The following CDS1 variants were observed in gnomAD, a reference collection of about 807,000 sequenced individuals.
CDS1 encodes the protein CDP-diacylglycerol synthase 1.
A neutral mutation model predicts 62.1 loss-of-function variants in CDS1; 41 were observed. That is an observed-to-expected ratio of 0.66 (90% CI 0.51 to 0.86). The LOEUF is 0.86. Ranked by LOEUF, CDS1 falls within the 40% of genes least tolerant of loss-of-function variation. CDS1 has a pLI of 0.00. For synonymous variants in CDS1, 185 were observed against 192.6 expected, an observed-to-expected ratio of 0.96 and a Z score of 0.32; for missense variants, 470 against 550.1, an observed-to-expected ratio of 0.85 and a Z score of 1.46.
chr4:84,607,012 CTA>C (rs574311688), intron 2 of CDS1, among the ~76,000 whole-genome samples: 361 of 152,280 alleles, frequency 2.4e-3, no homozygotes, highest in Non-Finnish European at 4.2e-3. Flanking sequence ...ATTTTTGACT[CTA>C]CACTCATTTT....
At chr4:84,615,394 T>G (rs1723456702) in intron 3 of CDS1, among the ~76,000 whole-genome samples, 1 of 152,102 alleles carries the variant, frequency 6.6e-6, no homozygotes. Context: ...TCATGTTGCT[T>G]CAACTCCTCG....
intron 3 of CDS1, among the ~76,000 whole-genome samples, chr4:84,612,575 A>G (rs766444866): frequency 6.6e-5 from 10 of 152,220 alleles, no homozygotes; most frequent in African/African-American, 2.4e-4. Context: ...TAAGAGAACC[A>G]TAAGTGTGCC....
chr4:84,583,927 G>A (rs1578009707), intron 1 of CDS1, among the ~76,000 whole-genome samples: 2 of 152,126 alleles, frequency 1.3e-5, no homozygotes, highest in South Asian at 4.2e-4. Context: ...GACTAGAGAC[G>A]TGCCACCGTC....
chr4:84,603,223 T>C (rs1472800045), intron 1 of CDS1, among the ~76,000 whole-genome samples: 4 of 152,218 alleles, frequency 2.6e-5, no homozygotes, highest in Admixed American at 6.5e-5. Flanking sequence ...ACATTCTGAA[T>C]TGTTGGGTGC....
chr4:84,632,275 G>A lies in CDS1; in HGVS notation c.639+398G>A, dbSNP rs78998746. On this transcript the variant is annotated intron_variant, in intron 6 of 12. Coordinates refer to ENST00000295887, the MANE Select transcript of CDS1 (RefSeq NM_001263.4). ...CTTGGCGTGCGCATAAAGCAGCAGA[G>A]CATGTATTATCTTGGTGGTTATGGT... Among the ~76,000 whole-genome samples, 249 of 152,214 alleles carry A rather than the reference G, an allele frequency of 1.6e-3. 3 individuals are homozygous for A. In the East Asian group the frequency reaches 0.039, roughly 24 times the overall value.
chr4:84,584,028 A>G (rs1722340256), intron 1 of CDS1, among the ~76,000 whole-genome samples: 1 of 152,048 alleles, frequency 6.6e-6, no homozygotes, highest in Non-Finnish European at 1.5e-5. Flanking sequence ...CTTTTTCAGT[A>G]TGATAGATTT....
chr4:84,607,631 C>A (rs780148557), intron 2 of CDS1, among the ~76,000 whole-genome samples: 3 of 151,974 alleles, frequency 2.0e-5, no homozygotes, highest in African/African-American at 7.2e-5. Flanking sequence ...CATGGTGGCT[C>A]ACACCTGAAA....
At position 84,609,507 on chromosome 4, in the gene CDS1, C is replaced by T. The variant is rs200859363; in HGVS notation, c.324C>T (p.Ser108=). The change falls in exon 3 of 13, where the codon TCC becomes TCT. Residue 108 remains serine, a synonymous_variant. Transcript: ENST00000295887. Reference sequence around the variant, plus strand: ...TTTTCCTGATCATCTATATGGGATCCTTCATGCTGATGCTTCTTGTAAGTT... The same window carrying T: ...TTTTCCTGATCATCTATATGGGATCTTTCATGCTGATGCTTCTTGTAAGTT... ...SLFFLIIYMG[S]FMLMLLVLGI... 3 of 1,599,524 alleles carry T rather than the reference C, an allele frequency of 1.9e-6. No homozygotes were observed. The highest frequency in any genetic ancestry group is 2.6e-6 in the Non-Finnish European group (3 of 1,167,552).
At chr4:84,609,599 G>A (rs930387451) in intron 3 of CDS1, 74 bp downstream of exon 3, 4 of 840,826 alleles carry the variant, frequency 4.8e-6, no homozygotes, top group Middle Eastern at 2.2e-4. Context: ...AGTAATTTGA[G>A]CATATCATAA....
chr4:84,608,663 C>T (rs554756154), intron 2 of CDS1, among the ~76,000 whole-genome samples: 1 of 152,228 alleles, frequency 6.6e-6, no homozygotes, highest in East Asian at 1.9e-4. Context: ...TCTTTCATTA[C>T]TTATTCTCAT....
At chr4:84,639,356 G>A (rs1724311569) in intron 9 of CDS1, among the ~76,000 whole-genome samples, 1 of 152,168 alleles carries the variant, frequency 6.6e-6, no homozygotes, top group Non-Finnish European at 1.5e-5. Context: ...GACAGGTGGT[G>A]GCCTTGTGTA....
chr4:84,641,221 C>T (rs182264273), intron 10 of CDS1, among the ~76,000 whole-genome samples: 63 of 152,214 alleles, frequency 4.1e-4, no homozygotes, highest in African/African-American at 1.4e-3. Flanking sequence ...CGCTCGCCAC[C>T]ACATCTCGCT....
intron 1 of CDS1, among the ~76,000 whole-genome samples, chr4:84,599,439 T>C (rs1201023143): frequency 1.4e-5 from 2 of 139,150 alleles, no homozygotes; most frequent in African/African-American, 5.3e-5. Context: ...TATATATATA[T>C]ATATATATAT....
rs1239046694 is a variant in CDS1 at position 84,650,801 on chromosome 4, CGATT to C, written c.*2118_*2121del. ...AAATTATTAATTTTAATGGAGCTCT[CGATT>C]GACCTTTTTAGCATACTTTTATAGC... is the stretch of plus-strand genomic sequence containing the variant. On this transcript the variant is annotated 3_prime_UTR_variant, in exon 13 of 13. Transcript: ENST00000295887. 3 of 151,998 alleles carry C rather than the reference CGATT, an allele frequency of 2.0e-5. No homozygotes were observed. Among genetic ancestry groups the C allele is most frequent in the Admixed American group, 6.6e-5 (1 of 15,254 alleles). 9.4% of individuals were successfully genotyped at this position (151,998 alleles called of 1,614,324 possible). A position where few individuals can be genotyped will look rare whatever the true frequency, so the allele number is the denominator to read the frequency against.
In CDS1 at chr4:84,629,478, A is replaced by G. The variant is rs539127928; in HGVS notation, c.581-2341A>G. 4.6e-5 allele frequency among the ~76,000 whole-genome samples: 7 copies of G among 152,242 alleles called. 1 individual carries two copies. The East Asian group carries it at 1.4e-3, about 29-fold the overall frequency. On this transcript the variant is annotated intron_variant, in intron 5 of 12. Transcript: ENST00000295887. The stretch of plus-strand genomic sequence containing the variant: ...ATTATTTATATAGAATTTACATTGT[A>G]TTAGGAATTATAAGTAATCTAGAAA...
At chr4:84,625,437 C>T (rs1211852772) in intron 5 of CDS1, among the ~76,000 whole-genome samples, 1 of 151,922 alleles carries the variant, frequency 6.6e-6, no homozygotes, top group Non-Finnish European at 1.5e-5. Flanking sequence ...CTGTCAGGAG[C>T]ATGAAGAAGA....
At chr4:84,626,806 T>TGC (rs1723876945) in intron 5 of CDS1, among the ~76,000 whole-genome samples, 1 of 152,200 alleles carries the variant, frequency 6.6e-6, no homozygotes, top group Non-Finnish European at 1.5e-5. Flanking sequence ...AGGGTCCGAC[T>TGC]ATGTATTTGT....
intron 1 of CDS1, among the ~76,000 whole-genome samples, chr4:84,591,481 G>C (rs759876924): frequency 6.6e-6 from 1 of 152,126 alleles, no homozygotes; most frequent in Non-Finnish European, 1.5e-5. Context: ...AAAAGAGGTG[G>C]TGTCAGGATT....
chr4:84,584,957 GT>G (rs1189418430), intron 1 of CDS1, among the ~76,000 whole-genome samples: 1 of 152,158 alleles, frequency 6.6e-6, no homozygotes, highest in Non-Finnish European at 1.5e-5. Context: ...GTTTTGTTTT[GT>G]TTTTAGCACT....
Sources: allele counts gnomAD v4.1 joint callset (sites outside exome capture counted in the v4.1 genomes callset), GRCh38; gene constraint gnomAD v4.1.1; transcripts MANE v1.5; gene names NCBI Gene and HGNC (gene_info 2026-07-23, HGNC 2026-07-21).